The following ADIPOR2 variants were observed in gnomAD, a reference collection of about 807,000 sequenced individuals.
The protein encoded by ADIPOR2 is adiponectin receptor protein 2.
Under a neutral mutation model 40.9 loss-of-function variants are expected in ADIPOR2, and 18 were observed. The ratio of observed to expected loss-of-function variants is 0.44; its 90% CI spans 0.30 to 0.65. ADIPOR2 has a LOEUF of 0.65. ADIPOR2 is among the 30% of genes least tolerant of loss of function. The pLI, the probability that ADIPOR2 is intolerant of heterozygous loss-of-function variation, is 0.09. For missense variants in ADIPOR2, 283 were observed against 479.2 expected (o/e 0.59, Z 3.82); for synonymous variants, 165 against 166.4 (o/e 0.99, Z 0.06).
Position 1,786,622 on chromosome 12 carries a change from A to G in ADIPOR2, c.*550A>G, listed in dbSNP as rs1384208940. The G allele has an allele frequency of 2.0e-5, 3 of 153,012 alleles. No homozygotes were observed. The highest frequency in any genetic ancestry group is 4.4e-5 in the Non-Finnish European group (3 of 68,332). 9.5% of individuals were successfully genotyped at this position (153,012 alleles called of 1,614,324 possible). The stretch of plus-strand genomic sequence containing the variant: ...CATAGGGGTAAGGGAGGGAGGGAGA[A>G]TTTTTGTATAGAATGAAACATGCAA... On this transcript the variant is annotated 3_prime_UTR_variant, in exon 8 of 8. Transcript: ENST00000357103.
intron 2 of ADIPOR2, among the ~76,000 whole-genome samples, chr12:1,761,235 A>T (rs1041758254): frequency 6.6e-6 from 1 of 152,116 alleles, no homozygotes; most frequent in Non-Finnish European, 1.5e-5. Context: ...ATGGGGGGAA[A>T]CTACTGTACT....
intron 1 of ADIPOR2, among the ~76,000 whole-genome samples, chr12:1,737,467 T>C (rs748455490): frequency 1.3e-5 from 2 of 152,216 alleles, no homozygotes; most frequent in Non-Finnish European, 2.9e-5. Context: ...GTTGTCTTCA[T>C]GTTATTTATA....
intron 1 of ADIPOR2, among the ~76,000 whole-genome samples, chr12:1,691,617 G>T (rs953337563): frequency 6.6e-6 from 1 of 152,224 alleles, no homozygotes. Context: ...GTTTGGTGGA[G>T]GCTTGGGATG....
At chr12:1,707,966 A>G (rs2094666897) in intron 1 of ADIPOR2, among the ~76,000 whole-genome samples, 1 of 152,212 alleles carries the variant, frequency 6.6e-6, no homozygotes, top group Admixed American at 6.5e-5. Flanking sequence ...AATTTTGAAT[A>G]TACAGTCAGC....
At chr12:1,727,587 C>G (rs1016526598) in intron 1 of ADIPOR2, among the ~76,000 whole-genome samples, 3 of 152,108 alleles carry the variant, frequency 2.0e-5, no homozygotes, top group Non-Finnish European at 4.4e-5. Context: ...TCCCTGGCAC[C>G]CACAGCCCCT....
intron 2 of ADIPOR2, among the ~76,000 whole-genome samples, chr12:1,759,560 C>T (rs4765843): frequency 0.42 from 63,518 of 152,056 alleles, 14,643 homozygotes; most frequent in Non-Finnish European, 0.53. Flanking sequence ...CTTTATTTAC[C>T]GCCAGGTTTC....
At chr12:1,728,907 A>C (rs1004777599) in intron 1 of ADIPOR2, among the ~76,000 whole-genome samples, 20 of 150,606 alleles carry the variant, frequency 1.3e-4, no homozygotes, top group African/African-American at 4.9e-4. Flanking sequence ...CTGTTAAAAA[A>C]TCTTAGAACA....
chr12:1,719,851 T>C (rs915899986), intron 1 of ADIPOR2, among the ~76,000 whole-genome samples: 8 of 151,974 alleles, frequency 5.3e-5, no homozygotes, highest in Non-Finnish European at 1.2e-4. Context: ...ATTGTTATAG[T>C]TTTTTAGCAG....
intron 1 of ADIPOR2, among the ~76,000 whole-genome samples, chr12:1,735,422 T>G (rs1250177784): frequency 6.6e-6 from 1 of 152,234 alleles, no homozygotes; most frequent in African/African-American, 2.4e-5. Context: ...ATAAGAATGC[T>G]TGTGATTTTT....
At chr12:1,712,207 A>G (rs889088901) in intron 1 of ADIPOR2, among the ~76,000 whole-genome samples, 15 of 152,060 alleles carry the variant, frequency 9.9e-5, no homozygotes, top group African/African-American at 1.5e-4. Context: ...TCTGGACTAT[A>G]ATTTGTTGGC....
intron 1 of ADIPOR2, among the ~76,000 whole-genome samples, chr12:1,748,959 C>T (rs544550694): frequency 6.6e-6 from 1 of 152,256 alleles, no homozygotes; most frequent in East Asian, 1.9e-4. Context: ...TCCCCTAACA[C>T]ACACACCAGT....
At chr12:1,749,491 A>C (rs1048878381) in intron 1 of ADIPOR2, among the ~76,000 whole-genome samples, 2 of 152,230 alleles carry the variant, frequency 1.3e-5, no homozygotes, top group Non-Finnish European at 2.9e-5. Flanking sequence ...GAAGACCAAT[A>C]GATATCATAG....
chr12:1,755,771 G>A (rs1862112556), intron 2 of ADIPOR2, among the ~76,000 whole-genome samples: 1 of 152,110 alleles, frequency 6.6e-6, no homozygotes, highest in African/African-American at 2.4e-5. Context: ...ACTTTGGGTT[G>A]TACCTATTAG....
intron 1 of ADIPOR2, among the ~76,000 whole-genome samples, chr12:1,729,981 G>A (rs540153524): frequency 2.0e-5 from 3 of 152,082 alleles, no homozygotes; most frequent in East Asian, 3.9e-4. Flanking sequence ...AGCCAAGAAC[G>A]AAGGCATACC....
At chr12:1,701,719 G>A (rs891355208) in intron 1 of ADIPOR2, among the ~76,000 whole-genome samples, 1 of 152,082 alleles carries the variant, frequency 6.6e-6, no homozygotes, top group African/African-American at 2.4e-5. Context: ...CATGTTGATA[G>A]GCATTTAGAT....
At position 1,743,229 on chromosome 12, in the gene ADIPOR2, C is replaced by CAAAAA. The variant is rs552711963; in HGVS notation, c.-86-11016_-86-11012dup. The stretch of plus-strand genomic sequence containing the variant: ...CAGCATGGTGAAACCCCATCTCTAC[C>CAAAAA]AAAAAAAAAAAAAAAAACAAAGCAG... On this transcript the variant is annotated intron_variant, in intron 1 of 7. Coordinates refer to ENST00000357103, the MANE Select transcript of ADIPOR2 (RefSeq NM_024551.3). Among the ~76,000 whole-genome samples the CAAAAA allele has an allele frequency of 1.3e-3, 72 of 55,260 alleles. 2 individuals carry two copies. Among genetic ancestry groups the CAAAAA allele is most frequent in the African/African-American group, 2.4e-3 (37 of 15,108 alleles). The allele number at this position is 55,260 out of a possible 152,430, so 36.3% of individuals were successfully genotyped here.
At chr12:1,710,523 G>A (rs1341222669) in intron 1 of ADIPOR2, among the ~76,000 whole-genome samples, 1 of 151,992 alleles carries the variant, frequency 6.6e-6, no homozygotes, top group Non-Finnish European at 1.5e-5. Flanking sequence ...CAGGGCACCT[G>A]TCGGCCAGTT....
intron 1 of ADIPOR2, among the ~76,000 whole-genome samples, chr12:1,735,524 A>G (rs181827986): frequency 3.3e-5 from 5 of 152,292 alleles, no homozygotes; most frequent in Middle Eastern, 3.4e-3. Flanking sequence ...CTAGATATAC[A>G]ATCATGTCAT....
chr12:1,772,769 C>G, intron 2 of ADIPOR2, 73 bp from the exon 3 acceptor site: 1 of 1,491,038 alleles, frequency 6.7e-7, no homozygotes, highest in Middle Eastern at 1.8e-4. Context: ...TATAATTCCA[C>G]AAGGGAAATG....
Sources: allele counts gnomAD v4.1 joint callset (sites outside exome capture counted in the v4.1 genomes callset), GRCh38; gene constraint gnomAD v4.1.1; transcripts MANE v1.5; gene names NCBI Gene and HGNC (gene_info 2026-07-23, HGNC 2026-07-21).